Variants in XKR6 observed in about 807,000 individuals in gnomAD.
XKR6 encodes XK related 6, also known as XK-related protein 6.
In XKR6, 22 loss-of-function variants were observed where a neutral mutation model predicts 56.7. The observed-to-expected ratio is 0.39, with a 90% CI of 0.28 to 0.55. The LOEUF (loss-of-function observed/expected upper bound fraction) is 0.55, where lower values mean the gene tolerates loss of function less well. Ranked by LOEUF, XKR6 falls within the 20% of genes least tolerant of loss-of-function variation. The pLI is 0.66. For missense variants in XKR6, 852 were observed against 889.0 expected (o/e 0.96, Z 0.53); for synonymous variants, 524 against 387.8 (o/e 1.35, Z -4.13).
chr8:11,193,218 A>G (rs1408642336), intron 1 of XKR6, among the ~76,000 whole-genome samples: 2 of 152,240 alleles, frequency 1.3e-5, no homozygotes, highest in Non-Finnish European at 2.9e-5. Context: ...AGTGACCAAG[A>G]TAAAACAGAA....
chr8:11,176,387 G>A (rs561482078), intron 1 of XKR6, among the ~76,000 whole-genome samples: 3 of 152,232 alleles, frequency 2.0e-5, no homozygotes, highest in South Asian at 4.2e-4. Context: ...GATCTGTTAC[G>A]TGTACTATGT....
At chr8:10,960,366 G>A (rs1802026770) in intron 1 of XKR6, among the ~76,000 whole-genome samples, 1 of 152,174 alleles carries the variant, frequency 6.6e-6, no homozygotes, top group Non-Finnish European at 1.5e-5. Context: ...TATCAGGCAC[G>A]GTCATAGCGT....
chr8:11,173,563 T>C (rs1007762975), intron 1 of XKR6, among the ~76,000 whole-genome samples: 6 of 152,048 alleles, frequency 3.9e-5, no homozygotes, highest in Non-Finnish European at 2.9e-5. Flanking sequence ...CTGACTTCTG[T>C]GTGCTTGGGT....
chr8:11,043,225 A>G (rs565602558), intron 1 of XKR6, among the ~76,000 whole-genome samples: 1 of 152,318 alleles, frequency 6.6e-6, no homozygotes, highest in Non-Finnish European at 1.5e-5. Flanking sequence ...GGAAGAGAAA[A>G]AAAAAAAGAT....
chr8:11,141,091 A>AT (rs1307673918), intron 1 of XKR6, among the ~76,000 whole-genome samples: 1 of 152,188 alleles, frequency 6.6e-6, no homozygotes, highest in African/African-American at 2.4e-5. Flanking sequence ...CTAAGTCGAC[A>AT]TGGTACAACA....
At chr8:11,001,140 C>T (rs747704287) in intron 1 of XKR6, among the ~76,000 whole-genome samples, 26 of 152,200 alleles carry the variant, frequency 1.7e-4, no homozygotes, top group Non-Finnish European at 2.8e-4. Flanking sequence ...TGGTTGAACA[C>T]GTGCTATGTG....
chr8:11,059,563 CGG>C (rs1211746581), intron 1 of XKR6, among the ~76,000 whole-genome samples: 1 of 151,942 alleles, frequency 6.6e-6, no homozygotes, highest in East Asian at 1.9e-4. Flanking sequence ...GACAAGAGCT[CGG>C]CTCCTCTTCC....
intron 1 of XKR6, among the ~76,000 whole-genome samples, chr8:10,925,767 T>C (rs568277929): frequency 2.6e-4 from 40 of 152,280 alleles, no homozygotes; most frequent in African/African-American, 8.9e-4. Flanking sequence ...TGAGATGATA[T>C]GCACAGTCGG....
rs775272438 is a variant in XKR6, at chr8:10,911,355, G to GTA, written c.962-12441_962-12440dup. Among the ~76,000 whole-genome samples, 1,144 of 119,208 alleles carry GTA rather than the reference G, an allele frequency of 9.6e-3. 21 individuals carry two copies. Among genetic ancestry groups the GTA allele is most frequent in the African/African-American group, 0.034 (1,024 of 29,974 alleles). The allele number at this position is 119,208 out of a possible 152,430, so 78.2% of individuals were successfully genotyped here. ...TATATATATATGTGTGTGTGTGTGT[G>GTA]TATATATATATATATAGACAGAGAG... On this transcript the variant is annotated intron_variant, in intron 2 of 2. Coordinates refer to ENST00000416569, the MANE Select transcript of XKR6 (RefSeq NM_173683.4).
chr8:11,106,509 T>A (rs1212588102), intron 1 of XKR6: 1 of 152,246 alleles, frequency 6.6e-6, no homozygotes, highest in African/African-American at 2.4e-5. Flanking sequence ...GAAGCAGATG[T>A]CCAGTGGAGA....
intron 1 of XKR6, among the ~76,000 whole-genome samples, chr8:11,041,366 G>C (rs1799281707): frequency 6.6e-6 from 1 of 152,086 alleles, no homozygotes. Flanking sequence ...GATCAGTCTG[G>C]CCAACATGGT....
At chr8:11,033,281 C>T (rs931796450) in intron 1 of XKR6, among the ~76,000 whole-genome samples, 6 of 137,360 alleles carry the variant, frequency 4.4e-5, no homozygotes, top group Admixed American at 7.2e-5. Context: ...GCGATGATGA[C>T]GATAGTGATG....
rs565623664 is a variant in XKR6 at position 11,116,990 on chromosome 8, C to T, written c.764+83586G>A. Among the ~76,000 whole-genome samples the T allele has an allele frequency of 8.5e-5, 13 of 152,308 alleles. No homozygotes were observed. In the South Asian group the frequency reaches 2.5e-3, roughly 29 times the overall value. ...CTTAACTTTTACTACTCATAAAACT[C>T]CATCCACCACTTCAGTAATATTACA... is the stretch of plus-strand genomic sequence containing the variant. On this transcript the variant is annotated intron_variant, in intron 1 of 2. Coordinates refer to ENST00000416569, the MANE Select transcript of XKR6 (RefSeq NM_173683.4).
intron 1 of XKR6, among the ~76,000 whole-genome samples, chr8:11,199,986 G>T (rs944169941): frequency 6.6e-5 from 10 of 151,524 alleles, no homozygotes; most frequent in African/African-American, 2.2e-4. Context: ...AAAAAAAAAA[G>T]TCTTTTTTCC....
chr8:11,094,094 T>G (rs1436461346), intron 1 of XKR6, among the ~76,000 whole-genome samples: 2 of 151,536 alleles, frequency 1.3e-5, no homozygotes, highest in Non-Finnish European at 2.9e-5. Context: ...TTTTTTTTTT[T>G]TTGACAGAGT....
chr8:10,983,075 T>C (rs939510356), intron 1 of XKR6, among the ~76,000 whole-genome samples: 7 of 152,082 alleles, frequency 4.6e-5, no homozygotes, highest in African/African-American at 1.7e-4. Context: ...TTGTAAATAA[T>C]ACTGAACAAA....
chr8:10,933,488 G>C (rs371402663), intron 1 of XKR6, among the ~76,000 whole-genome samples: 5 of 129,144 alleles, frequency 3.9e-5, no homozygotes, highest in African/African-American at 1.3e-4. Flanking sequence ...TATGTCCTGA[G>C]TGGTAATGCC....
intron 1 of XKR6, among the ~76,000 whole-genome samples, chr8:11,132,850 G>C (rs566127313): frequency 8.1e-6 from 1 of 123,696 alleles, no homozygotes; most frequent in Admixed American, 7.5e-5. Flanking sequence ...GTAATGCTTT[G>C]TATGATGTGT....
intron 1 of XKR6, among the ~76,000 whole-genome samples, chr8:11,152,363 C>T (rs941579201): frequency 3.3e-5 from 5 of 152,120 alleles, no homozygotes; most frequent in African/African-American, 7.2e-5. Flanking sequence ...GCCTTATCTA[C>T]GCCAGTCAAG....
Sources: allele counts gnomAD v4.1 joint callset (sites outside exome capture counted in the v4.1 genomes callset), GRCh38; gene constraint gnomAD v4.1.1; transcripts MANE v1.5; gene names NCBI Gene and HGNC (gene_info 2026-07-23, HGNC 2026-07-21).